Variants in LMBR1 observed in about 807,000 individuals in gnomAD.
LMBR1 encodes the protein limb development membrane protein 1, also known as limb region 1 protein homolog.
Under a neutral mutation model 73.9 loss-of-function variants are expected in LMBR1, and 52 were observed. The observed-to-expected ratio is 0.70, with a 90% CI of 0.56 to 0.89. The LOEUF (loss-of-function observed/expected upper bound fraction) is 0.89, where lower values mean the gene tolerates loss of function less well. Ranked by LOEUF, LMBR1 falls within the 40% of genes least tolerant of loss-of-function variation. LMBR1 has a pLI of 0.00. For missense variants in LMBR1, 539 were observed against 579.8 expected (o/e 0.93, Z 0.72); for synonymous variants, 215 against 209.4 (o/e 1.03, Z -0.23).
chr7:156,806,923 A>G (rs1273350512), intron 4 of LMBR1, among the ~76,000 whole-genome samples: 1 of 152,098 alleles, frequency 6.6e-6, no homozygotes, highest in Non-Finnish European at 1.5e-5. Context: ...GATGCATTTT[A>G]TTAGGATGAG....
chr7:156,868,206 T>C (rs1253756436), intron 1 of LMBR1, among the ~76,000 whole-genome samples: 1 of 151,308 alleles, frequency 6.6e-6, no homozygotes, highest in Non-Finnish European at 1.5e-5. Context: ...TTTTTTTTTT[T>C]TTTTTGAGAC....
chr7:156,684,720 G>A (rs1255793461), intron 16 of LMBR1, among the ~76,000 whole-genome samples: 2 of 152,222 alleles, frequency 1.3e-5, no homozygotes, highest in African/African-American at 4.8e-5. Flanking sequence ...ACTTCAGGAG[G>A]CCGAGGTGGA....
intron 5 of LMBR1, among the ~76,000 whole-genome samples, chr7:156,793,564 G>A (rs902507906): frequency 4.6e-5 from 7 of 152,054 alleles, no homozygotes; most frequent in African/African-American, 1.2e-4. Context: ...TTTTAAAACC[G>A]CCTGAGATAA....
intron 1 of LMBR1, among the ~76,000 whole-genome samples, chr7:156,842,948 GC>G (rs1838972763): frequency 6.6e-6 from 1 of 152,240 alleles, no homozygotes; most frequent in South Asian, 2.1e-4. Context: ...AATAGCCTGT[GC>G]TTGCAGACTT....
chr7:156,703,041 G>A (rs560814058), intron 15 of LMBR1, among the ~76,000 whole-genome samples: 2 of 152,278 alleles, frequency 1.3e-5, no homozygotes, highest in Admixed American at 6.5e-5. Context: ...ACTTTCCCTG[G>A]GAAACTGTAC....
At position 156,670,886 on chromosome 7, in the gene LMBR1, T is replaced by G. The variant is rs979589588; in HGVS notation, n.867-1599A>C. 2.6e-5 allele frequency among the ~76,000 whole-genome samples: 4 copies of G among 152,218 alleles called. No homozygotes were observed. Among genetic ancestry groups the G allele is most frequent in the African/African-American group, 7.2e-5 (3 of 41,452 alleles). On this transcript the variant is annotated intron_variant and non_coding_transcript_variant, in intron 4 of 4. Transcript: ENST00000430825. This position sits in a 1 kb window ranked among gnomAD's most constrained non-coding sequence, Gnocchi z 4.3. ...ATGGCCCCAGACGGGAAATCTGAGA[T>G]GTCAGTGGTAAAAATGTGAGTAAAT...
intron 15 of LMBR1, among the ~76,000 whole-genome samples, chr7:156,708,711 A>G (rs752062020): frequency 2.6e-5 from 4 of 152,224 alleles, no homozygotes; most frequent in Non-Finnish European, 5.9e-5. Context: ...GAACTGCTGC[A>G]GATAAGAGCA....
intron 1 of LMBR1, among the ~76,000 whole-genome samples, chr7:156,885,820 G>A (rs1290102941): frequency 1.3e-5 from 2 of 152,040 alleles, no homozygotes; most frequent in African/African-American, 2.4e-5. Context: ...AGAGGTTATC[G>A]TGAGCCGAGA....
chr7:156,701,277 C>G (rs1353273368), intron 15 of LMBR1, among the ~76,000 whole-genome samples: 2 of 152,090 alleles, frequency 1.3e-5, no homozygotes, highest in East Asian at 3.8e-4. Context: ...TTGCAATACC[C>G]AAAAGTTGTA....
At chr7:156,840,492 G>A (rs998068916) in intron 1 of LMBR1, among the ~76,000 whole-genome samples, 2 of 152,044 alleles carry the variant, frequency 1.3e-5, no homozygotes, top group African/African-American at 2.4e-5. Flanking sequence ...TGAGTGGGCA[G>A]AAGTAAGAGA....
chr7:156,672,955 T>C (rs771023234), downstream of LMBR1, among the ~76,000 whole-genome samples: 2 of 152,254 alleles, frequency 1.3e-5, no homozygotes, highest in Non-Finnish European at 2.9e-5. Context: ...CTGTAAAGCA[T>C]ATCGCAGGGC....
chr7:156,777,228 C>T (rs1345246474), intron 5 of LMBR1, among the ~76,000 whole-genome samples: 5 of 152,196 alleles, frequency 3.3e-5, no homozygotes, highest in Non-Finnish European at 7.3e-5. Context: ...AGTCACCACG[C>T]CTGGCCTTTC....
chr7:156,797,682 A>T (rs1396695916), intron 4 of LMBR1, among the ~76,000 whole-genome samples: 1 of 152,224 alleles, frequency 6.6e-6, no homozygotes, highest in East Asian at 1.9e-4. Flanking sequence ...TGTCCTTTGG[A>T]ATAGCATGGA....
At chr7:156,684,722 CGAGGTGGAAG>C (rs562570874) in intron 16 of LMBR1, among the ~76,000 whole-genome samples, 161 of 152,248 alleles carry the variant, frequency 1.1e-3, no homozygotes, top group African/African-American at 3.5e-3. Flanking sequence ...TTCAGGAGGC[CGAGGTGGAAG>C]GATCGTTTGA....
At chr7:156,796,042 G>A (rs1449681640) in intron 5 of LMBR1, among the ~76,000 whole-genome samples, 1 of 152,118 alleles carries the variant, frequency 6.6e-6, no homozygotes, top group Non-Finnish European at 1.5e-5. Context: ...ATAACAGCTA[G>A]ATAACAGAAA....
At chr7:156,821,633 G>A (rs553668050) in intron 4 of LMBR1, among the ~76,000 whole-genome samples, 1 of 152,328 alleles carries the variant, frequency 6.6e-6, no homozygotes, top group East Asian at 1.9e-4. Context: ...TGAGGTACAT[G>A]AACAGACCTC....
At chr7:156,801,320 A>G (rs1286409655) in intron 4 of LMBR1, among the ~76,000 whole-genome samples, 2 of 152,232 alleles carry the variant, frequency 1.3e-5, no homozygotes, top group Non-Finnish European at 2.9e-5. Context: ...AAAGGCTCAG[A>G]TAATTGTTAC....
chr7:156,836,680 CAGACA>C, intron 2 of LMBR1, 128 bp downstream of exon 2: 1 of 532,300 alleles, frequency 1.9e-6, no homozygotes, highest in East Asian at 3.3e-5. Context: ...CTCCTAGTAC[CAGACA>C]ACTGCTTACT....
intron 15 of LMBR1, among the ~76,000 whole-genome samples, chr7:156,711,135 C>A (rs1811998675): frequency 6.6e-6 from 1 of 152,002 alleles, no homozygotes; most frequent in Admixed American, 6.6e-5. Flanking sequence ...ATGGTGAAAC[C>A]CTATCTCTAC....
Sources: gnomAD v4.1 joint callset for allele counts (sites outside exome capture counted in the v4.1 genomes callset) on GRCh38, gnomAD v4.1.1 for gene constraint, Gnocchi (gnomAD v3.1) non-coding constraint, MANE v1.5 for transcripts, NCBI Gene and HGNC (gene_info 2026-07-23, HGNC 2026-07-21) for gene names.